The following PPP1R14C variants were observed in gnomAD, a reference collection of about 807,000 sequenced individuals.
The protein encoded by PPP1R14C is protein phosphatase 1 regulatory subunit 14C.
PPP1R14C carries 16 observed loss-of-function variants against 20.4 expected under a neutral mutation model. That is an observed-to-expected ratio of 0.78 (90% confidence interval 0.53 to 1.19). PPP1R14C has a LOEUF of 1.19. Ranked by LOEUF, PPP1R14C falls within the 50% of genes most tolerant of loss-of-function variation. The probability of loss-of-function intolerance (pLI) is 0.00; values close to 1 mark genes in which losing one functional copy is unlikely to be tolerated. For missense variants in PPP1R14C, 211 were observed against 220.1 expected (o/e 0.96, Z 0.26); for synonymous variants, 91 against 91.0 (o/e 1.00, Z 0.00).
At chr6:150,207,485 G>A (rs142944052) in intron 1 of PPP1R14C, among the ~76,000 whole-genome samples, 513 of 152,276 alleles carry the variant, frequency 3.4e-3, no homozygotes, top group Non-Finnish European at 4.6e-3. Flanking sequence ...CATCTGTTTC[G>A]TTCTTCACTC....
chr6:150,226,098 C>T (rs1455557486), intron 3 of PPP1R14C, among the ~76,000 whole-genome samples: 1 of 152,048 alleles, frequency 6.6e-6, no homozygotes, highest in Non-Finnish European at 1.5e-5. Context: ...ATTCATTCCC[C>T]CCCCAAATCC....
chr6:150,238,676 G>T lies in PPP1R14C; in HGVS notation c.424-10070G>T, dbSNP rs530100838. 2.6e-5 allele frequency among the ~76,000 whole-genome samples: 4 copies of T among 152,322 alleles called. No homozygotes were observed. In the East Asian group the frequency reaches 7.7e-4, roughly 29 times the overall value. ...TGGCCTGGGAGCTCCTGGAAGGCAG[G>T]GCCTCTGCCACCTTCTGCTCTGCAT... On this transcript the variant is annotated intron_variant, in intron 3 of 3. Transcript: ENST00000361131.
chr6:150,234,107 G>A (rs1778325228), intron 3 of PPP1R14C, among the ~76,000 whole-genome samples: 1 of 152,166 alleles, frequency 6.6e-6, no homozygotes, highest in Non-Finnish European at 1.5e-5. Flanking sequence ...AAAACAATGT[G>A]GAACAAACCA....
chr6:150,179,118 T>C (rs1398784805), intron 1 of PPP1R14C, among the ~76,000 whole-genome samples: 1 of 152,136 alleles, frequency 6.6e-6, no homozygotes, highest in Non-Finnish European at 1.5e-5. Flanking sequence ...GGAAGGAGAC[T>C]GTGGTCGCCA....
intron 1 of PPP1R14C, among the ~76,000 whole-genome samples, chr6:150,208,571 C>T (rs762121918): frequency 1.7e-4 from 26 of 152,220 alleles, no homozygotes; most frequent in Non-Finnish European, 3.5e-4. Context: ...ATCCAAATTG[C>T]AAATTAAACA....
chr6:150,170,310 C>A (rs1016033284), intron 1 of PPP1R14C, among the ~76,000 whole-genome samples: 3 of 150,784 alleles, frequency 2.0e-5, no homozygotes, highest in Non-Finnish European at 4.4e-5. Flanking sequence ...TTGTCATGTG[C>A]TAGTTACTTT....
At chr6:150,234,445 T>G (rs531193092) in intron 3 of PPP1R14C, among the ~76,000 whole-genome samples, 1 of 152,344 alleles carries the variant, frequency 6.6e-6, no homozygotes, top group African/African-American at 2.4e-5. Context: ...TTGTGCAATT[T>G]ATTCGTAACA....
intron 1 of PPP1R14C, among the ~76,000 whole-genome samples, chr6:150,213,382 A>AC (rs1778052582): frequency 7.5e-6 from 1 of 133,734 alleles, no homozygotes; most frequent in Admixed American, 7.3e-5. Flanking sequence ...CACACACACA[A>AC]GAGGTTGAGT....
intron 1 of PPP1R14C, among the ~76,000 whole-genome samples, chr6:150,200,443 C>A (rs1777862948): frequency 6.6e-6 from 1 of 152,122 alleles, no homozygotes; most frequent in Admixed American, 6.5e-5. Flanking sequence ...TTAACCAAGT[C>A]TGCAGACTTA....
intron 1 of PPP1R14C, among the ~76,000 whole-genome samples, chr6:150,146,009 C>G (rs534792779): frequency 6.6e-6 from 1 of 152,234 alleles, no homozygotes; most frequent in Non-Finnish European, 1.5e-5. Context: ...TACACAGAAC[C>G]ACTTTCTGTC....
In PPP1R14C at chr6:150,191,036, C is replaced by T. The variant is rs568740324; in HGVS notation, c.307-23708C>T. ...ACCTCTCTGATCCCCTACTTCTTTGCCCTTCACTCTCTCTGCTCCCGACAT... is the reference window on the plus strand; with the variant it reads ...ACCTCTCTGATCCCCTACTTCTTTGTCCTTCACTCTCTCTGCTCCCGACAT... On this transcript the variant is annotated intron_variant, in intron 1 of 3. Coordinates refer to ENST00000361131, the MANE Select transcript of PPP1R14C (RefSeq NM_030949.3). Among the ~76,000 whole-genome samples, 3 of 152,304 alleles carry T rather than the reference C, an allele frequency of 2.0e-5. No homozygotes were observed. The East Asian group carries it at 5.8e-4, about 29-fold the overall frequency.
intron 1 of PPP1R14C, among the ~76,000 whole-genome samples, chr6:150,166,816 C>G (rs377701039): frequency 6.6e-6 from 1 of 152,172 alleles, no homozygotes; most frequent in East Asian, 1.9e-4. Context: ...AATATCATGT[C>G]CAATTTCATT....
At chr6:150,149,299 A>ATG (rs141854673) in intron 1 of PPP1R14C, among the ~76,000 whole-genome samples, 50,020 of 147,246 alleles carry the variant, frequency 0.34, 8,590 homozygotes, top group East Asian at 0.64. Context: ...CTCCATACAT[A>ATG]TGTGTGTGTG....
chr6:150,167,081 A>G (rs1021055511), intron 1 of PPP1R14C, among the ~76,000 whole-genome samples: 13 of 152,014 alleles, frequency 8.6e-5, no homozygotes, highest in Non-Finnish European at 1.5e-5. Context: ...AAATACAAAC[A>G]TTAGGCCGGG....
chr6:150,166,852 T>C (rs1211017459), intron 1 of PPP1R14C, among the ~76,000 whole-genome samples: 1 of 152,222 alleles, frequency 6.6e-6, no homozygotes, highest in Non-Finnish European at 1.5e-5. Context: ...GTGAATATTT[T>C]ATATATTTAG....
In PPP1R14C at chr6:150,143,490, G is replaced by C; in HGVS notation, c.298G>C (p.Gly100Arg). ...CGTGGAGCAGCTGGGTCAGCTCTAC[G>C]GCTGCGAGGTACCTGGGCGCGGGGC... The part of the protein sequence containing the change: ...WIVEQLGQLY[G>R]CEEEEMPEVE... Residue 100 changes from glycine to arginine, a missense_variant, in exon 1 of 4, where the codon GGC (glycine) becomes CGC (arginine). Gly to Arg is a moderately radical substitution (Grantham distance 125). Transcript: ENST00000361131. The surrounding 1 kb of genome is among the most constrained non-coding windows in gnomAD (Gnocchi z 5.6). 2 of 1,593,704 alleles carry C rather than the reference G, an allele frequency of 1.3e-6. No individual in the cohort carries two copies. Among genetic ancestry groups the C allele is most frequent in the South Asian group, 2.3e-5 (2 of 88,220 alleles).
rs1778548812 is a variant in PPP1R14C, at chr6:150,250,218, AAC to A, written c.*1400_*1401del. The A allele has an allele frequency of 6.6e-6, 1 of 152,506 alleles. No individual in the cohort carries two copies. Among genetic ancestry groups the A allele is most frequent in the Non-Finnish European group, 1.5e-5 (1 of 68,044 alleles). The allele number at this position is 152,506 out of a possible 1,614,324, so 9.4% of individuals were successfully genotyped here. A position where few individuals can be genotyped will look rare whatever the true frequency, so the allele number is the denominator to read the frequency against. Reference sequence around the variant, plus strand: ...GGCATTTTATATCAAGGGTGCTCTGAACATATTTTATTTTTTAAAAAAACTAT... The same window carrying A: ...GGCATTTTATATCAAGGGTGCTCTGAATATTTTATTTTTTAAAAAAACTAT... On this transcript the variant is annotated 3_prime_UTR_variant, in exon 4 of 4. Coordinates refer to ENST00000361131, the MANE Select transcript of PPP1R14C (RefSeq NM_030949.3).
chr6:150,167,973 T>TCCTTCTTCTTCCCTCTTTCTCC (rs1777446207), intron 1 of PPP1R14C, among the ~76,000 whole-genome samples: 16 of 28,170 alleles, frequency 5.7e-4, no homozygotes, highest in African/African-American at 9.3e-4. Flanking sequence ...CCTCTTTCTC[T>TCCTTCTTCTTCCCTCTTTCTCC]CCTTCTCTCC....
Position 150,213,346 on chromosome 6 carries a change from A to AACACACAC in PPP1R14C, c.307-1370_307-1363dup, listed in dbSNP as rs3049230. ...ACTGGGGTCCTCACTTTTGTGTTGT[A>AACACACAC]ACACACACACACACACACACACACA... On this transcript the variant is annotated intron_variant, in intron 1 of 3. Transcript: ENST00000361131. Among the ~76,000 whole-genome samples, 381 of 149,412 alleles carry AACACACAC rather than the reference A, an allele frequency of 2.6e-3. 4 individuals carry two copies. Among genetic ancestry groups the AACACACAC allele is most frequent in the East Asian group, 0.02 (99 of 5,018 alleles).
Sources: allele counts gnomAD v4.1 joint callset (sites outside exome capture counted in the v4.1 genomes callset), GRCh38; gene constraint gnomAD v4.1.1; non-coding constraint Gnocchi (gnomAD v3.1); transcripts MANE v1.5; gene names NCBI Gene and HGNC (gene_info 2026-07-23, HGNC 2026-07-21).